ZPBP: variants seen among roughly 807,000 people sequenced by gnomAD.
The protein encoded by ZPBP is zona pellucida-binding protein 1.
Under a neutral mutation model 44.8 loss-of-function variants are expected in ZPBP, and 26 were observed. The observed-to-expected ratio is 0.58, with a 90% CI of 0.43 to 0.81. ZPBP has a LOEUF of 0.81. Ranked by LOEUF, ZPBP falls within the 30% of genes least tolerant of loss-of-function variation. ZPBP has a pLI of 0.00. For missense variants in ZPBP, 409 were observed against 434.0 expected (o/e 0.94, Z 0.51); for synonymous variants, 174 against 153.2 (o/e 1.14, Z -1.00).
intron 4 of ZPBP, among the ~76,000 whole-genome samples, chr7:50,046,965 A>G (rs1182197793): frequency 6.6e-6 from 1 of 152,240 alleles, no homozygotes; most frequent in East Asian, 1.9e-4. Flanking sequence ...GTATGCAGCC[A>G]TAAAAAAGGA....
intron 2 of ZPBP, among the ~76,000 whole-genome samples, chr7:49,894,156 T>C (rs922406919): frequency 9.2e-5 from 6 of 65,534 alleles, no homozygotes; most frequent in African/African-American, 2.1e-4. Context: ...TTCTAGGCTT[T>C]TTCTTTTCTT....
chr7:49,885,992 C>T (rs942113634), intron 2 of ZPBP, among the ~76,000 whole-genome samples: 6 of 152,166 alleles, frequency 3.9e-5, no homozygotes, highest in African/African-American at 7.2e-5. Context: ...ACATTTTTGA[C>T]GTGATGCATT....
intron 2 of ZPBP, among the ~76,000 whole-genome samples, chr7:49,893,482 T>G (rs1792232307): frequency 6.6e-6 from 1 of 152,346 alleles, no homozygotes; most frequent in South Asian, 2.1e-4. Flanking sequence ...CTTTAAAAAC[T>G]TTTGCTCATT....
At chr7:49,995,655 C>T (rs979461032) in intron 6 of ZPBP, among the ~76,000 whole-genome samples, 5 of 152,150 alleles carry the variant, frequency 3.3e-5, no homozygotes, top group African/African-American at 1.2e-4. Flanking sequence ...TTACTATTTT[C>T]CTGTGATATA....
intron 5 of ZPBP, among the ~76,000 whole-genome samples, chr7:50,021,534 A>C (rs1024575364): frequency 5.3e-5 from 8 of 152,120 alleles, no homozygotes; most frequent in African/African-American, 1.9e-4. Flanking sequence ...GTGTAACAAC[A>C]TCAAGTGTAC....
intron 3 of ZPBP, among the ~76,000 whole-genome samples, chr7:50,077,469 T>C (rs904151148): frequency 6.6e-6 from 1 of 151,714 alleles, no homozygotes; most frequent in Non-Finnish European, 1.5e-5. Flanking sequence ...ATCCACAAAA[T>C]GGGAGAAAAT....
At chr7:49,909,154 A>T (rs1026797976) in intron 1 of ZPBP, among the ~76,000 whole-genome samples, 44 of 152,290 alleles carry the variant, frequency 2.9e-4, no homozygotes, top group African/African-American at 1.0e-3. Flanking sequence ...TAAGTACCAG[A>T]TTTTTAATCC....
chr7:49,913,344 T>C (rs1346546503), intron 1 of ZPBP: 1 of 152,210 alleles, frequency 6.6e-6, no homozygotes, highest in Admixed American at 6.5e-5. Context: ...AAAAAGCCAC[T>C]GCAAAGTCCT....
At chr7:49,929,679 G>A (rs1177695958) in intron 1 of ZPBP, among the ~76,000 whole-genome samples, 2 of 152,150 alleles carry the variant, frequency 1.3e-5, no homozygotes, top group African/African-American at 2.4e-5. Context: ...ATGAGGTGGG[G>A]GCAGATAAAC....
At chr7:50,009,836 C>G (rs1483984021) in intron 6 of ZPBP, among the ~76,000 whole-genome samples, 1 of 151,752 alleles carries the variant, frequency 6.6e-6, no homozygotes, top group Admixed American at 6.6e-5. Context: ...TGCATTTGAA[C>G]ACACTAATAA....
At position 49,957,646 on chromosome 7, in the gene ZPBP, C is replaced by A. The variant is rs73694396; in HGVS notation, c.962-20024G>T. Among the ~76,000 whole-genome samples the A allele has an allele frequency of 3.7e-4, 56 of 152,118 alleles. 1 individual carries two copies. Among genetic ancestry groups the A allele is most frequent in the Non-Finnish European group, 1.2e-4 (8 of 68,022 alleles). On this transcript the variant is annotated intron_variant, in intron 7 of 7. Coordinates refer to ENST00000046087, the MANE Select transcript of ZPBP (RefSeq NM_007009.3). ...GCTGTGGAGGCATGGCTTCCTCCAC[C>A]TTTATTTCAAAGAAACTTGTTGTGA...
At chr7:50,016,497 G>A (rs1798829292) in intron 6 of ZPBP, among the ~76,000 whole-genome samples, 1 of 151,996 alleles carries the variant, frequency 6.6e-6, no homozygotes, top group Admixed American at 6.6e-5. Context: ...AAACCCCAAC[G>A]ATGTGGAATT....
chr7:49,925,576 T>A (rs1794205580), intron 1 of ZPBP, among the ~76,000 whole-genome samples: 1 of 152,314 alleles, frequency 6.6e-6, no homozygotes, highest in South Asian at 2.1e-4. Context: ...CTGGAAAAAA[T>A]TACCTACTTG....
intron 7 of ZPBP, among the ~76,000 whole-genome samples, chr7:49,959,068 A>G (rs1465986396): frequency 6.6e-6 from 1 of 152,172 alleles, no homozygotes; most frequent in African/African-American, 2.4e-5. Context: ...TACTAATACA[A>G]TAAGTGTTCT....
At chr7:50,061,734 C>A (rs1033529244) in intron 3 of ZPBP, among the ~76,000 whole-genome samples, 1 of 152,178 alleles carries the variant, frequency 6.6e-6, no homozygotes, top group Non-Finnish European at 1.5e-5. Flanking sequence ...GAAATCACTT[C>A]TCTTCTAATT....
chr7:49,931,761 A>G (rs80206086), intron 1 of ZPBP, among the ~76,000 whole-genome samples: 1 of 152,230 alleles, frequency 6.6e-6, no homozygotes. Context: ...TCTCCAGGGC[A>G]TGTCAGACAC....
intron 2 of ZPBP, among the ~76,000 whole-genome samples, chr7:49,856,142 T>A (rs1790408417): frequency 6.6e-6 from 1 of 152,034 alleles, no homozygotes; most frequent in African/African-American, 2.4e-5. Flanking sequence ...GGTGATAAGG[T>A]TAGGATGTGT....
chr7:50,001,720 G>C (rs567618344), intron 6 of ZPBP, among the ~76,000 whole-genome samples: 3 of 152,232 alleles, frequency 2.0e-5, no homozygotes, highest in South Asian at 4.1e-4. Flanking sequence ...TTACTACCTT[G>C]AAAAAGTTTT....
At chr7:49,918,634 GAAGTA>G (rs1353492597) in intron 1 of ZPBP, 1 of 152,192 alleles carries the variant, frequency 6.6e-6, no homozygotes, top group African/African-American at 2.4e-5. Flanking sequence ...GGAGCCAAGA[GAAGTA>G]AACTGCCATT....
Sources: allele counts gnomAD v4.1 joint callset (sites outside exome capture counted in the v4.1 genomes callset), GRCh38; gene constraint gnomAD v4.1.1; transcripts MANE v1.5; gene names NCBI Gene and HGNC (gene_info 2026-07-23, HGNC 2026-07-21).